Variants in PRKG1 observed in about 807,000 individuals in gnomAD.
The protein encoded by PRKG1 is protein kinase cGMP-dependent 1, also known as cGMP-dependent protein kinase 1.
A neutral mutation model predicts 88.1 loss-of-function variants in PRKG1; 35 were observed. That is an observed-to-expected ratio of 0.40 (90% CI 0.30 to 0.53). The LOEUF is 0.53. Ranked by LOEUF, PRKG1 falls within the 20% of genes least tolerant of loss-of-function variation. PRKG1 has a pLI of 0.59. For synonymous variants in PRKG1, 303 were observed against 292.5 expected (o/e 1.04, Z -0.37); for missense variants, 540 against 839.8 (o/e 0.64, Z 4.41).
chr10:51,676,097 T>TA (rs564397440), intron 3 of PRKG1, among the ~76,000 whole-genome samples: 73 of 151,710 alleles, frequency 4.8e-4, no homozygotes, highest in Non-Finnish European at 1.3e-4. Flanking sequence ...TAGTGAGACT[T>TA]ATTTCTATTA....
rs529569902 is a variant in PRKG1 at position 52,031,984 on chromosome 10, G to A, written c.763-22500G>A. Among the ~76,000 whole-genome samples the A allele has an allele frequency of 2.0e-5, 3 of 151,992 alleles. No homozygotes were observed. The South Asian group carries it at 6.3e-4, about 32-fold the overall frequency. On this transcript the variant is annotated intron_variant, in intron 5 of 17. Coordinates refer to ENST00000373980, the MANE Select transcript of PRKG1 (RefSeq NM_006258.4). ...GGCCCTGAAATGGCTGGAGTGTAGA[G>A]GGAGAGGGGGTATTTAAACAGTCAT...
chr10:51,764,904 T>C (rs10999339), intron 3 of PRKG1, among the ~76,000 whole-genome samples: 14,873 of 152,178 alleles, frequency 0.098, 798 homozygotes, highest in Non-Finnish European at 0.12. Context: ...TCATCTTGTG[T>C]GGACACAGCA....
chr10:51,052,509 CTG>C (rs1589124517), intron 1 of PRKG1, among the ~76,000 whole-genome samples: 2 of 152,292 alleles, frequency 1.3e-5, no homozygotes, highest in East Asian at 3.9e-4. Context: ...AAAATACTGA[CTG>C]TGGAAAAATT....
intron 5 of PRKG1, chr10:51,908,735 T>TATATATATATATATATA (rs778365205): frequency 1.3e-5 from 1 of 77,828 alleles, no homozygotes. Flanking sequence ...CTATATGTAA[T>TATATATATATATATATA]TTTTTTTTTT....
At chr10:50,995,426 C>CT (rs1842827932) in intron 1 of PRKG1, among the ~76,000 whole-genome samples, 1 of 152,284 alleles carries the variant, frequency 6.6e-6, no homozygotes, top group East Asian at 1.9e-4. Context: ...ACATATCCGA[C>CT]TTATTGCGGT....
chr10:51,653,684 A>C (rs570373252), intron 3 of PRKG1, among the ~76,000 whole-genome samples: 1 of 151,982 alleles, frequency 6.6e-6, no homozygotes, highest in African/African-American at 2.4e-5. Context: ...CTCTTGCCTC[A>C]GCCTCCCAAG....
chr10:52,281,760 T>A (rs1397342542), intron 13 of PRKG1, among the ~76,000 whole-genome samples: 1 of 152,144 alleles, frequency 6.6e-6, no homozygotes, highest in Non-Finnish European at 1.5e-5. Context: ...CTTCATTAAA[T>A]CCAGCAGAAA....
intron 3 of PRKG1, among the ~76,000 whole-genome samples, chr10:51,732,269 G>T (rs1440801377): frequency 6.6e-6 from 1 of 152,044 alleles, no homozygotes; most frequent in African/African-American, 2.4e-5. Context: ...TTGGATTAGG[G>T]TCTACTCCTA....
chr10:51,786,809 A>G (rs944610131), intron 3 of PRKG1, among the ~76,000 whole-genome samples: 1 of 152,152 alleles, frequency 6.6e-6, no homozygotes, highest in African/African-American at 2.4e-5. Context: ...TTGTATCAAC[A>G]CTTACTAATG....
At chr10:51,752,643 A>G (rs998786881) in intron 3 of PRKG1, among the ~76,000 whole-genome samples, 3 of 152,120 alleles carry the variant, frequency 2.0e-5, no homozygotes, top group Admixed American at 6.5e-5. Context: ...ATTTAACCAT[A>G]CCAGGCCTGT....
intron 5 of PRKG1, among the ~76,000 whole-genome samples, chr10:51,965,886 C>G (rs1589463600): frequency 6.6e-6 from 1 of 151,972 alleles, no homozygotes; most frequent in South Asian, 2.1e-4. Flanking sequence ...AAATTAGAAA[C>G]CTTAAAATGT....
At chr10:51,693,782 T>A (rs554480998) in intron 3 of PRKG1, among the ~76,000 whole-genome samples, 1 of 152,162 alleles carries the variant, frequency 6.6e-6, no homozygotes. Context: ...AGAACAAACA[T>A]GATAGTTAAT....
chr10:51,328,424 G>C (rs1362327874), intron 2 of PRKG1, among the ~76,000 whole-genome samples: 10 of 152,166 alleles, frequency 6.6e-5, no homozygotes, highest in African/African-American at 2.4e-4. Flanking sequence ...ATTGTGAATA[G>C]TGCTGCAATG....
At chr10:51,986,656 T>G (rs1034568369) in intron 5 of PRKG1, among the ~76,000 whole-genome samples, 1 of 152,148 alleles carries the variant, frequency 6.6e-6, no homozygotes, top group South Asian at 2.1e-4. Context: ...TCTCTAGACT[T>G]GTGTTATTTG....
intron 1 of PRKG1, among the ~76,000 whole-genome samples, chr10:51,049,868 T>C (rs1246977401): frequency 6.6e-6 from 1 of 152,162 alleles, no homozygotes; most frequent in African/African-American, 2.4e-5. Context: ...AATCCGAAAG[T>C]ACCCATATGC....
intron 3 of PRKG1, among the ~76,000 whole-genome samples, chr10:51,700,581 C>A (rs919162447): frequency 2.0e-5 from 3 of 152,054 alleles, no homozygotes; most frequent in Non-Finnish European, 4.4e-5. Context: ...TGGTGTTTCC[C>A]CGCCTGCAAT....
At chr10:51,986,534 T>C (rs145493788) in intron 5 of PRKG1, among the ~76,000 whole-genome samples, 2 of 152,260 alleles carry the variant, frequency 1.3e-5, no homozygotes, top group African/African-American at 4.8e-5. Context: ...AGAATATCAG[T>C]TTCTATATGG....
At chr10:52,140,005 T>C (rs1215177714) in intron 8 of PRKG1, among the ~76,000 whole-genome samples, 5 of 152,200 alleles carry the variant, frequency 3.3e-5, no homozygotes, top group Non-Finnish European at 5.9e-5. Context: ...TGTGTTTCAA[T>C]AAAGCTTTAT....
intron 3 of PRKG1, among the ~76,000 whole-genome samples, chr10:51,770,003 A>G (rs182566221): frequency 6.2e-4 from 94 of 152,360 alleles, no homozygotes; most frequent in South Asian, 4.8e-3. Flanking sequence ...CTGTTGTGCC[A>G]GTCTTCCCTA....
Sources: gnomAD v4.1 joint callset for allele counts (sites outside exome capture counted in the v4.1 genomes callset) on GRCh38, gnomAD v4.1.1 for gene constraint, MANE v1.5 for transcripts, NCBI Gene and HGNC (gene_info 2026-07-23, HGNC 2026-07-21) for gene names.